CGGBP1: variants seen among roughly 807,000 people sequenced by gnomAD.
The protein encoded by CGGBP1 is CGG triplet repeat-binding protein 1.
Under a neutral mutation model 11.4 loss-of-function variants are expected in CGGBP1, and 4 were observed. The observed-to-expected ratio is 0.35, with a 90% CI of 0.17 to 0.80. The LOEUF (loss-of-function observed/expected upper bound fraction) is 0.80, where lower values mean the gene tolerates loss of function less well. CGGBP1 is among the 30% of genes least tolerant of loss of function. The probability of loss-of-function intolerance (pLI) is 0.52; values close to 1 mark genes in which losing one functional copy is unlikely to be tolerated. For missense variants in CGGBP1, 135 were observed against 202.1 expected (o/e 0.67, Z 2.01); for synonymous variants, 76 against 74.1 (o/e 1.03, Z -0.13).
chr3:88,060,749 A>G (rs1276742839), upstream of CGGBP1, among the ~76,000 whole-genome samples: 1 of 152,208 alleles, frequency 6.6e-6, no homozygotes, highest in Middle Eastern at 3.4e-3. Flanking sequence ...GTTTGCTGAC[A>G]TTTCTTTCAA....
At chr3:88,132,710 T>C (rs6551274) in intron 2 of CGGBP1, among the ~76,000 whole-genome samples, 119,216 of 152,166 alleles carry the variant, frequency 0.78, 47,627 homozygotes, top group South Asian at 0.91. Context: ...AGGGGAAGTA[T>C]ATGCCAGACA....
chr3:88,138,666 GA>G (rs936754036), intron 2 of CGGBP1: 10 of 1,190,916 alleles, frequency 8.4e-6, no homozygotes, highest in South Asian at 8.5e-5. Context: ...CATTTTTTTG[GA>G]AAAAAAGTAT....
At chr3:88,147,459 C>A (rs1707330860) in intron 1 of CGGBP1, among the ~76,000 whole-genome samples, 1 of 152,134 alleles carries the variant, frequency 6.6e-6, no homozygotes, top group South Asian at 2.1e-4. Flanking sequence ...GATAAGGGAA[C>A]CACTGACTAG....
chr3:88,117,086 G>T (rs1336837471), intron 2 of CGGBP1, among the ~76,000 whole-genome samples: 1 of 152,046 alleles, frequency 6.6e-6, no homozygotes, highest in Admixed American at 6.5e-5. Context: ...GGGACAACCC[G>T]AAAGAACATA....
chr3:88,129,559 G>A, intron 2 of CGGBP1: 1 of 710,166 alleles, frequency 1.4e-6, no homozygotes, highest in Non-Finnish European at 2.2e-6. Context: ...TTCTGTACAA[G>A]TCATCATTGT....
At chr3:88,080,447 T>C (rs1708020539) in intron 2 of CGGBP1, among the ~76,000 whole-genome samples, 1 of 152,140 alleles carries the variant, frequency 6.6e-6, no homozygotes, top group Non-Finnish European at 1.5e-5. Flanking sequence ...ATCCTATATT[T>C]TAATATATGT....
At chr3:88,138,674 GTATT>G (rs1225678725) in intron 2 of CGGBP1, 5 of 1,205,584 alleles carry the variant, frequency 4.1e-6, no homozygotes, top group Non-Finnish European at 5.2e-6. Context: ...TGGAAAAAAA[GTATT>G]TAGCACTAAT....
At chr3:88,056,098 A>C in intron 3 of CGGBP1, 99 bp from the exon 4 acceptor site, 1 of 878,364 alleles carries the variant, frequency 1.1e-6, no homozygotes, top group Non-Finnish European at 1.7e-6. Flanking sequence ...CAAATACTTC[A>C]AAAAACTTAA....
At chr3:88,093,386 T>C (rs1703864479) in intron 2 of CGGBP1, among the ~76,000 whole-genome samples, 1 of 152,106 alleles carries the variant, frequency 6.6e-6, no homozygotes, top group African/African-American at 2.4e-5. Flanking sequence ...AGAAAGTAAA[T>C]GTTCATAGAT....
chr3:88,078,113 G>A (rs886967033), intron 2 of CGGBP1, among the ~76,000 whole-genome samples: 1 of 151,952 alleles, frequency 6.6e-6, no homozygotes, highest in African/African-American at 2.4e-5. Flanking sequence ...TGTGAATATC[G>A]GACTGATTTC....
intron 2 of CGGBP1, among the ~76,000 whole-genome samples, chr3:88,088,506 G>C (rs1178932429): frequency 2.0e-5 from 3 of 152,126 alleles, no homozygotes; most frequent in African/African-American, 4.8e-5. Context: ...AAATGAATTT[G>C]AAATTAAGAA....
chr3:88,097,522 A>C (rs553664561), intron 2 of CGGBP1, among the ~76,000 whole-genome samples: 1 of 152,308 alleles, frequency 6.6e-6, no homozygotes, highest in Admixed American at 6.5e-5. Context: ...AAATCGACAG[A>C]ATATACATTC....
upstream of CGGBP1, chr3:88,059,437 G>C (rs1207188959): frequency 6.6e-7 from 1 of 1,522,074 alleles, no homozygotes; most frequent in East Asian, 2.5e-5. Flanking sequence ...CAGAGGCGGC[G>C]CTGGCAGCGG....
At chr3:88,121,773 T>C (rs1383340931) in intron 2 of CGGBP1, among the ~76,000 whole-genome samples, 2 of 152,198 alleles carry the variant, frequency 1.3e-5, no homozygotes, top group Non-Finnish European at 2.9e-5. Context: ...ATATTAACCA[T>C]ATTGAAGACC....
chr3:88,092,711 A>G (rs1703819083), intron 2 of CGGBP1, among the ~76,000 whole-genome samples: 1 of 152,156 alleles, frequency 6.6e-6, no homozygotes, highest in Non-Finnish European at 1.5e-5. Context: ...ATTTAAGGAG[A>G]TTATGTCTTT....
chr3:88,078,007 G>C lies in CGGBP1; in HGVS notation c.-228-19784C>G, dbSNP rs144547360. 5.3e-3 allele frequency among the ~76,000 whole-genome samples: 813 copies of C among 152,168 alleles called. 5 individuals carry two copies. The highest frequency in any genetic ancestry group is 0.017 in the African/African-American group (698 of 41,530). On this transcript the variant is annotated intron_variant, in intron 2 of 3. Transcript: ENST00000462901. ...AGGTTGAATTCCTTTGTGAAATGTT[G>C]TGAAATTTCTTTGTATTTAATATAA... is the stretch of plus-strand genomic sequence containing the variant.
chr3:88,135,020 A>T (rs1706688047), intron 2 of CGGBP1: 1 of 1,302,130 alleles, frequency 7.7e-7, no homozygotes, highest in Non-Finnish European at 9.9e-7. Flanking sequence ...GTATTTGAAT[A>T]AACTGTATTT....
intron 2 of CGGBP1, among the ~76,000 whole-genome samples, chr3:88,091,489 T>TCCA (rs1425562743): frequency 3.3e-5 from 5 of 152,352 alleles, no homozygotes; most frequent in Middle Eastern, 3.4e-3. Context: ...TAATCTTTGT[T>TCCA]AACTTTAGTG....
chr3:88,095,884 C>T, intron 2 of CGGBP1: 1 of 434,930 alleles, frequency 2.3e-6, no homozygotes, highest in Non-Finnish European at 4.4e-6. Context: ...TGCCACTTAA[C>T]CACATGCCTG....
Sources: allele counts gnomAD v4.1 joint callset (sites outside exome capture counted in the v4.1 genomes callset), GRCh38; gene constraint gnomAD v4.1.1; transcripts MANE v1.5; gene names NCBI Gene and HGNC (gene_info 2026-07-23, HGNC 2026-07-21).